The following ALPL variants were observed in gnomAD, a reference collection of about 807,000 sequenced individuals.
ALPL encodes the protein alkaline phosphatase, biomineralization associated.
ALPL carries 42 observed loss-of-function variants against 51.3 expected under a neutral mutation model. That is an observed-to-expected ratio of 0.82 (90% CI 0.64 to 1.06). The LOEUF is 1.06. ALPL is among the 50% of genes least tolerant of loss of function. ALPL has a pLI of 0.00. For missense variants in ALPL, 589 were observed against 709.4 expected (o/e 0.83, Z 1.93); for synonymous variants, 279 against 296.4 (o/e 0.94, Z 0.60).
At chr1:21,548,861 C>T (rs1644285447) in intron 1 of ALPL, among the ~76,000 whole-genome samples, 1 of 152,184 alleles carries the variant, frequency 6.6e-6, no homozygotes, top group Non-Finnish European at 1.5e-5. Context: ...ACACAGCATT[C>T]TGTCCGTGGG....
Position 21,518,437 on chromosome 1 carries a change from G to T in ALPL, c.-105+8920G>T, listed in dbSNP as rs186165535. ...GACTCAGAGTAATTAGCCTGGGTTT[G>T]CCCAGCTGGTAAGTGTCGGAGCTAC... is the stretch of plus-strand genomic sequence containing the variant. On this transcript the variant is annotated intron_variant, in intron 1 of 11. Coordinates refer to ENST00000374840, the MANE Select transcript of ALPL (RefSeq NM_000478.6). Among the ~76,000 whole-genome samples, 562 of 152,200 alleles carry T rather than the reference G, an allele frequency of 3.7e-3. 3 individuals are homozygous for T. The highest frequency in any genetic ancestry group is 0.013 in the African/African-American group (523 of 41,526).
chr1:21,511,741 C>T (rs1289071980), intron 1 of ALPL, among the ~76,000 whole-genome samples: 1 of 152,222 alleles, frequency 6.6e-6, no homozygotes, highest in Admixed American at 6.5e-5. Context: ...TTCCTGCCCT[C>T]TGCCTGTTCT....
chr1:21,578,010 G>A lies in ALPL; in HGVS notation c.*362G>A, dbSNP rs556534930. 5.9e-5 allele frequency: 21 copies of A among 354,892 alleles called. No individual in the cohort carries two copies. The highest frequency in any genetic ancestry group is 5.7e-4 in the Admixed American group (13 of 22,866). 22.0% of individuals were successfully genotyped at this position (354,892 alleles called of 1,614,324 possible). Reference sequence around the variant, plus strand: ...AGCCTCCGTGGAACATTCTGGATCTGACCCTCCCAGTCTCATCTCCTGACC... The same window carrying A: ...AGCCTCCGTGGAACATTCTGGATCTAACCCTCCCAGTCTCATCTCCTGACC... On this transcript the variant is annotated 3_prime_UTR_variant, in exon 12 of 12. Coordinates refer to ENST00000374840, the MANE Select transcript of ALPL (RefSeq NM_000478.6). This position sits in a 1 kb window ranked among gnomAD's most constrained non-coding sequence, Gnocchi z 4.2.
chr1:21,578,121 G>T lies in ALPL; in HGVS notation c.*473G>T, dbSNP rs536009840. 127 of 176,880 alleles carry T rather than the reference G, an allele frequency of 7.2e-4. 2 individuals carry two copies. The South Asian group carries it at 0.016, about 23-fold the overall frequency. 11.0% of individuals were successfully genotyped at this position (176,880 alleles called of 1,614,324 possible). ...TCCCCAGGCCCAGCCCTCCTTCAGG[G>T]GAGTTGAGGTCTTTCTCCTCAGGAC... is the stretch of plus-strand genomic sequence containing the variant. On this transcript the variant is annotated 3_prime_UTR_variant, in exon 12 of 12. Transcript: ENST00000374840. The surrounding 1 kb of genome is among the most constrained non-coding windows in gnomAD (Gnocchi z 4.2).
At chr1:21,534,527 T>G (rs6668129) in intron 1 of ALPL, among the ~76,000 whole-genome samples, 88,328 of 151,400 alleles carry the variant, frequency 0.58, 26,178 homozygotes, top group East Asian at 0.84. Flanking sequence ...AGCTGAAGCT[T>G]CAGACTGAAG....
At chr1:21,576,202 C>A (rs1314707411) in intron 10 of ALPL, among the ~76,000 whole-genome samples, 2 of 136,830 alleles carry the variant, frequency 1.5e-5, no homozygotes, top group Non-Finnish European at 3.3e-5. Context: ...GGATGGCTGG[C>A]TGGATGATGG....
chr1:21,532,684 G>A (rs1437552936), intron 1 of ALPL, among the ~76,000 whole-genome samples: 1 of 152,196 alleles, frequency 6.6e-6, no homozygotes, highest in Non-Finnish European at 1.5e-5. Flanking sequence ...ACAGCTCCCT[G>A]TTCTCCAGGA....
chr1:21,547,336 T>C (rs976049830), intron 1 of ALPL, among the ~76,000 whole-genome samples: 1 of 152,172 alleles, frequency 6.6e-6, no homozygotes, highest in Non-Finnish European at 1.5e-5. Flanking sequence ...ACCCAGGGCT[T>C]TGGAGCTAGT....
chr1:21,517,843 C>T (rs1643829762), intron 1 of ALPL, among the ~76,000 whole-genome samples: 1 of 152,126 alleles, frequency 6.6e-6, no homozygotes, highest in Admixed American at 6.6e-5. Context: ...CCACATCAGA[C>T]ATCACTAGTC....
chr1:21,523,554 C>T (rs1225939247), intron 1 of ALPL, among the ~76,000 whole-genome samples: 1 of 152,148 alleles, frequency 6.6e-6, no homozygotes, highest in African/African-American at 2.4e-5. Context: ...GGAGTATCCC[C>T]ATCTCCTCAG....
At chr1:21,569,107 G>T (rs1644608909) in intron 7 of ALPL, among the ~76,000 whole-genome samples, 1 of 152,120 alleles carries the variant, frequency 6.6e-6, no homozygotes, top group Admixed American at 6.5e-5. Context: ...GTGGGGGTAG[G>T]GACTAGGGAA....
At chr1:21,530,713 C>G (rs1644016625) in intron 1 of ALPL, among the ~76,000 whole-genome samples, 1 of 151,678 alleles carries the variant, frequency 6.6e-6, no homozygotes, top group Admixed American at 6.6e-5. Flanking sequence ...TAGAGGCCCC[C>G]TGTAGTGACT....
chr1:21,560,990 C>A, intron 3 of ALPL, 107 bp from the exon 4 acceptor site: 1 of 1,121,412 alleles, frequency 8.9e-7, no homozygotes, highest in South Asian at 1.3e-5. Flanking sequence ...CCAGTGCCAA[C>A]TGCCCGAGCC....
At chr1:21,538,504 G>A (rs1455167185) in intron 1 of ALPL, among the ~76,000 whole-genome samples, 18 of 152,122 alleles carry the variant, frequency 1.2e-4, no homozygotes, top group Admixed American at 1.1e-3. Flanking sequence ...CCAGGGATTC[G>A]GCTTGTGCTG....
intron 1 of ALPL, among the ~76,000 whole-genome samples, chr1:21,527,323 C>T (rs1208680615): frequency 2.6e-5 from 4 of 152,128 alleles, no homozygotes; most frequent in South Asian, 2.1e-4. Flanking sequence ...TGAGCCACCA[C>T]GCCCGGCCCT....
intron 1 of ALPL, among the ~76,000 whole-genome samples, chr1:21,550,211 G>C (rs1644303472): frequency 6.6e-6 from 1 of 152,186 alleles, no homozygotes; most frequent in Non-Finnish European, 1.5e-5. Flanking sequence ...ATCTATCCAT[G>C]TGTCAAACGT....
At chr1:21,522,115 A>G (rs1570174584) in intron 1 of ALPL, among the ~76,000 whole-genome samples, 1 of 141,140 alleles carries the variant, frequency 7.1e-6, no homozygotes, top group East Asian at 2.1e-4. Flanking sequence ...TCTGTCGCCC[A>G]GGCTGGAGTG....
chr1:21,537,707 G>A (rs1439780339), intron 1 of ALPL, among the ~76,000 whole-genome samples: 2 of 152,212 alleles, frequency 1.3e-5, no homozygotes, highest in Non-Finnish European at 2.9e-5. Context: ...TGAGATGGGG[G>A]TGGCACGTAC....
chr1:21,573,240 C>T (rs369430372), intron 8 of ALPL, among the ~76,000 whole-genome samples: 1 of 152,116 alleles, frequency 6.6e-6, no homozygotes, highest in East Asian at 1.9e-4. Context: ...TCGAGACCAG[C>T]CTGGCTAACA....
Sources: gnomAD v4.1 joint callset for allele counts (sites outside exome capture counted in the v4.1 genomes callset) on GRCh38, gnomAD v4.1.1 for gene constraint, Gnocchi (gnomAD v3.1) non-coding constraint, MANE v1.5 for transcripts, NCBI Gene and HGNC (gene_info 2026-07-23, HGNC 2026-07-21) for gene names.